The following SLC9A8 variants were observed in gnomAD, a reference collection of about 807,000 sequenced individuals.
SLC9A8 encodes sodium/hydrogen exchanger 8.
Under a neutral mutation model 66.6 loss-of-function variants are expected in SLC9A8, and 48 were observed. The ratio of observed to expected loss-of-function variants is 0.72; its 90% CI spans 0.57 to 0.92. The LOEUF is 0.92. SLC9A8 is among the 40% of genes least tolerant of loss of function. The probability of loss-of-function intolerance (pLI) is 0.00; values close to 1 mark genes in which losing one functional copy is unlikely to be tolerated. For synonymous variants in SLC9A8, 274 were observed against 282.6 expected (o/e 0.97, Z 0.31); for missense variants, 599 against 747.3 (o/e 0.80, Z 2.31).
chr20:49,852,946 T>C (rs879163732), intron 7 of SLC9A8, among the ~76,000 whole-genome samples: 4 of 152,302 alleles, frequency 2.6e-5, no homozygotes, highest in Admixed American at 2.6e-4. Context: ...GTACCCAAGA[T>C]GATCAGAGCA....
At chr20:49,879,276 G>C (rs551149919) in intron 12 of SLC9A8, among the ~76,000 whole-genome samples, 7 of 152,182 alleles carry the variant, frequency 4.6e-5, no homozygotes, top group Non-Finnish European at 1.0e-4. Context: ...TACAGTTCCT[G>C]CCCTGTAAAC....
At chr20:49,816,939 A>G (rs1049928885) in intron 2 of SLC9A8, among the ~76,000 whole-genome samples, 2 of 151,856 alleles carry the variant, frequency 1.3e-5, no homozygotes, top group African/African-American at 4.8e-5. Flanking sequence ...TCTGTTGGCC[A>G]GGATGGTCTC....
intron 8 of SLC9A8, among the ~76,000 whole-genome samples, chr20:49,858,292 G>T (rs1367167388): frequency 6.6e-6 from 1 of 151,390 alleles, no homozygotes; most frequent in Non-Finnish European, 1.5e-5. Flanking sequence ...CCAACATCAT[G>T]CCACAAGACC....
intron 11 of SLC9A8, 120 bp downstream of exon 11, chr20:49,874,941 C>T (rs2089365767): frequency 1.4e-6 from 1 of 726,858 alleles, no homozygotes; most frequent in South Asian, 1.6e-5. Flanking sequence ...TCCTCAGAGC[C>T]AGATCCCTCA....
intron 2 of SLC9A8, 116 bp from the exon 3 acceptor site, chr20:49,822,945 C>G (rs944314576): frequency 6.4e-6 from 5 of 782,996 alleles, no homozygotes; most frequent in African/African-American, 1.7e-5. Flanking sequence ...CTGTGTTATT[C>G]CAATTGTCCA....
At chr20:49,847,377 CTTTTCT>C (rs1040482972) in intron 5 of SLC9A8, among the ~76,000 whole-genome samples, 17 of 119,128 alleles carry the variant, frequency 1.4e-4, no homozygotes, top group African/African-American at 4.0e-4. Context: ...TAAAGTTTTT[CTTTTCT>C]TTTTTTTTTT....
intron 4 of SLC9A8, among the ~76,000 whole-genome samples, chr20:49,843,112 A>C (rs1206930263): frequency 2.0e-5 from 3 of 152,024 alleles, no homozygotes; most frequent in Non-Finnish European, 4.4e-5. Context: ...TCACACTCTG[A>C]GGTTCCTGGT....
At chr20:49,861,555 AG>A (rs2088736538) in intron 8 of SLC9A8, among the ~76,000 whole-genome samples, 2 of 152,124 alleles carry the variant, frequency 1.3e-5, no homozygotes, top group East Asian at 3.9e-4. Flanking sequence ...AAACAAAAAG[AG>A]GGGGATCATC....
chr20:49,877,663 ACAGTGTT>A (rs2089473743), intron 11 of SLC9A8, among the ~76,000 whole-genome samples: 1 of 152,328 alleles, frequency 6.6e-6, no homozygotes, highest in Admixed American at 6.5e-5. Flanking sequence ...CTTGCTAATG[ACAGTGTT>A]CAGCAGATTG....
intron 10 of SLC9A8, among the ~76,000 whole-genome samples, chr20:49,873,247 C>T (rs556914674): frequency 2.0e-5 from 3 of 152,028 alleles, no homozygotes; most frequent in Non-Finnish European, 2.9e-5. Flanking sequence ...TTTGGGAGGC[C>T]GAGGCAGGTT....
At chr20:49,838,837 A>C (rs1185412571) in intron 3 of SLC9A8, among the ~76,000 whole-genome samples, 1 of 152,170 alleles carries the variant, frequency 6.6e-6, no homozygotes, top group African/African-American at 2.4e-5. Flanking sequence ...CTGGAGTTCT[A>C]CTTGGGCGTC....
chr20:49,831,159 T>C, intron 3 of SLC9A8: 1 of 484,220 alleles, frequency 2.1e-6, no homozygotes. Context: ...GTCAGGGGCC[T>C]GGGACTTTGC....
rs201274307 is a variant in SLC9A8, at chr20:49,855,501, A to C, written c.633A>C (p.Ala211=). 4 of 1,614,120 alleles carry C rather than the reference A, an allele frequency of 2.5e-6. No individual in the cohort carries two copies. The highest frequency in any genetic ancestry group is 3.4e-6 in the Non-Finnish European group (4 of 1,179,988). ...DPVATIAIFN[A]LHVDPVLNML... ...TGGCCACTATTGCCATTTTCAATGC[A>C]CTTCATGTGGACCCCGTGCTCAACA... is the stretch of plus-strand genomic sequence containing the variant. Residue 211 remains alanine, a synonymous_variant, in exon 8 of 16, where the codon GCA becomes GCC. Transcript: ENST00000361573.
chr20:49,818,542 G>T (rs1268248106), intron 2 of SLC9A8, among the ~76,000 whole-genome samples: 2 of 145,782 alleles, frequency 1.4e-5, no homozygotes, highest in Non-Finnish European at 3.0e-5. Context: ...CCAGGCTGGA[G>T]TGCAGTGGCA....
intron 10 of SLC9A8, among the ~76,000 whole-genome samples, chr20:49,870,062 T>C (rs1215799015): frequency 6.6e-6 from 1 of 152,200 alleles, no homozygotes; most frequent in Non-Finnish European, 1.5e-5. Context: ...ACTTGACCTG[T>C]CTGTACTGCC....
intron 11 of SLC9A8, 36 bp from the exon 12 acceptor site, chr20:49,877,945 T>C (rs374473944): frequency 5.3e-5 from 76 of 1,431,562 alleles, no homozygotes; most frequent in Non-Finnish European, 7.2e-5. Context: ...AATGAAATCA[T>C]TGGGGTTGAA....
intron 8 of SLC9A8, among the ~76,000 whole-genome samples, chr20:49,858,215 GT>G (rs1407506396): frequency 6.6e-6 from 1 of 152,000 alleles, no homozygotes; most frequent in Non-Finnish European, 1.5e-5. Flanking sequence ...TACTTAACCA[GT>G]TTCCTACTAT....
At chr20:49,864,925 CT>C (rs2088899318) in intron 10 of SLC9A8, 81 bp downstream of exon 10, 1 of 887,226 alleles carries the variant, frequency 1.1e-6, no homozygotes, top group Non-Finnish European at 1.9e-6. Context: ...AGTTGGGTCA[CT>C]TTTAGTCACA....
At chr20:49,868,041 T>C (rs2089045741) in intron 10 of SLC9A8, among the ~76,000 whole-genome samples, 1 of 152,226 alleles carries the variant, frequency 6.6e-6, no homozygotes, top group South Asian at 2.1e-4. Flanking sequence ...CTTTCTTTAC[T>C]GAATGTTGGC....
Sources: allele counts gnomAD v4.1 joint callset (sites outside exome capture counted in the v4.1 genomes callset), GRCh38; gene constraint gnomAD v4.1.1; transcripts MANE v1.5; gene names NCBI Gene and HGNC (gene_info 2026-07-23, HGNC 2026-07-21).